The following MTIF2 variants were observed in gnomAD, a reference collection of about 807,000 sequenced individuals.
MTIF2 encodes translation initiation factor IF-2, mitochondrial.
MTIF2 carries 71 observed loss-of-function variants against 83.5 expected under a neutral mutation model. That is an observed-to-expected ratio of 0.85 (90% CI 0.70 to 1.04). The LOEUF is 1.04. MTIF2 is among the 50% of genes least tolerant of loss of function. MTIF2 has a pLI of 0.00. For synonymous variants in MTIF2, 319 were observed against 287.1 expected, an observed-to-expected ratio of 1.11 and a Z score of -1.12; for missense variants, 957 against 846.5, an observed-to-expected ratio of 1.13 and a Z score of -1.62.
Position 55,254,117 on chromosome 2 carries a change from T to C in MTIF2, c.588A>G (p.Leu196=), listed in dbSNP as rs750837820. The C allele has an allele frequency of 3.7e-6, 6 of 1,614,098 alleles. No individual in the cohort carries two copies. Among genetic ancestry groups the C allele is most frequent in the Non-Finnish European group, 2.5e-6 (3 of 1,180,044 alleles). ...CTTGAGTTTTTCGAAATTTGTCAAG[T>C]AATGTCGTTTTCCCGTGATCAACAT... ...MGHVDHGKTT[L]LDKFRKTQVA... Residue 196 remains leucine (L), a synonymous_variant, in exon 7 of 16, where the codon TTA becomes TTG. Coordinates refer to ENST00000263629, the MANE Select transcript of MTIF2 (RefSeq NM_002453.3).
Position 55,237,311 on chromosome 2 carries a change from C to T in MTIF2, c.1988G>A (p.Arg663His), listed in dbSNP as rs774462033. Residue 663 changes from arginine to histidine, a missense_variant, in exon 15 of 16, where the codon CGT becomes CAT. By Grantham distance (29) the Arg-to-His change is conservative. Transcript: ENST00000263629. ...LEKQKKFKLT[R>H]NGHVIWKGSL... ...ACCCTTCCAAATTACATGTCCATTA[C>T]GGGTTAGTTTAAATTTTTTTTGTTT... 43 of 1,612,310 alleles carry T rather than the reference C, an allele frequency of 2.7e-5. No individual in the cohort carries two copies. Among genetic ancestry groups the T allele is most frequent in the East Asian group, 2.2e-4 (10 of 44,858 alleles).
chr2:55,261,443 T>TG (rs1677981618), intron 5 of MTIF2, among the ~76,000 whole-genome samples: 1 of 138,362 alleles, frequency 7.2e-6, no homozygotes, highest in Non-Finnish European at 1.6e-5. Context: ...CCGTCTCTAC[T>TG]AAAAAAAAAA....
At chr2:55,250,848 G>A (rs184191898) in intron 8 of MTIF2, among the ~76,000 whole-genome samples, 2 of 152,064 alleles carry the variant, frequency 1.3e-5, no homozygotes, top group East Asian at 1.9e-4. Context: ...GGGCACGGTG[G>A]CTCATACCTG....
intron 4 of MTIF2, 23 bp downstream of exon 4, chr2:55,263,617 A>G (rs1223103717): frequency 6.4e-7 from 1 of 1,572,904 alleles, no homozygotes; most frequent in East Asian, 2.2e-5. Context: ...CTCAAAAAAA[A>G]AAAAAAAGAA....
intron 11 of MTIF2, 141 bp from the exon 12 acceptor site, chr2:55,243,809 A>T: frequency 9.3e-7 from 1 of 1,075,762 alleles, no homozygotes; most frequent in East Asian, 2.5e-5. Flanking sequence ...GAAACATGTA[A>T]AATTTTAATT....
rs1259583933 is a variant in MTIF2, at chr2:55,243,487, T to C, written c.1493A>G (p.Lys498Arg). ...TTTTGGCTTTAAGGGTATTTGTTCT[T>C]TTCTTTCTAAAAACCGTAGAATTGA... ...KRSILRFLER[K>R]EQIPLKPKEK... Residue 498 changes from lysine (K) to arginine (R), a missense_variant, in exon 12 of 16, where the codon AAA becomes AGA. Coordinates refer to ENST00000263629, the MANE Select transcript of MTIF2 (RefSeq NM_002453.3). 2.5e-6 allele frequency: 4 copies of C among 1,614,110 alleles called. No homozygotes were observed. The highest frequency in any genetic ancestry group is 3.4e-6 in the Non-Finnish European group (4 of 1,179,978).
At position 55,263,582 on chromosome 2, in the gene MTIF2, C is replaced by T; in HGVS notation, c.219+58G>A. 4.3e-6 allele frequency: 6 copies of T among 1,384,074 alleles called. No individual in the cohort carries two copies. The South Asian group carries it at 7.7e-5, about 18-fold the overall frequency. 85.7% of individuals were successfully genotyped at this position (1,384,074 alleles called of 1,614,324 possible). ...CTGAGATCGCGCCACGGCACTCCAGCCGGGGTGACAGGGTGAGACTCCATC... is the reference window on the plus strand; with the variant it reads ...CTGAGATCGCGCCACGGCACTCCAGTCGGGGTGACAGGGTGAGACTCCATC... On this transcript the variant is annotated intron_variant, in intron 4 of 15. Coordinates refer to ENST00000263629, the MANE Select transcript of MTIF2 (RefSeq NM_002453.3).
rs1490309114 is a variant in MTIF2 at position 55,254,556 on chromosome 2, T to G, written c.503+98A>C. The G allele has an allele frequency of 9.3e-6, 10 of 1,077,804 alleles. No individual in the cohort carries two copies. The Admixed American group carries it at 2.2e-4, about 24-fold the overall frequency. 66.8% of individuals were successfully genotyped at this position (1,077,804 alleles called of 1,614,324 possible). ...GAAGTTTATACACACATATCTTTAT[T>G]ACAAAAGAAATTTTAAAGCAAATCT... On this transcript the variant is annotated intron_variant, in intron 6 of 15. Transcript: ENST00000263629.
In MTIF2 at chr2:55,257,090, G is replaced by A. The variant is rs189786368; in HGVS notation, c.332-2265C>T. Among the ~76,000 whole-genome samples, 38 of 152,102 alleles carry A rather than the reference G, an allele frequency of 2.5e-4. No homozygotes were observed. In the East Asian group the frequency reaches 4.4e-3, roughly 18 times the overall value. ...TTTAATCTCAGTCATGTTTCCCTGC[G>A]GATGATAAATAAATGTATCTGTGAT... is the stretch of plus-strand genomic sequence containing the variant. On this transcript the variant is annotated intron_variant, in intron 5 of 15. Transcript: ENST00000263629.
intron 14 of MTIF2, among the ~76,000 whole-genome samples, chr2:55,237,998 T>G (rs542494388): frequency 6.6e-6 from 1 of 152,012 alleles, no homozygotes; most frequent in South Asian, 2.1e-4. Context: ...TTTTAAGCTT[T>G]CCTTCAATAT....
chr2:55,267,237 A>G (rs911011677), intron 3 of MTIF2, among the ~76,000 whole-genome samples: 2 of 151,186 alleles, frequency 1.3e-5, no homozygotes, highest in African/African-American at 4.9e-5. Flanking sequence ...GCTCACTACA[A>G]CCTCCACCTG....
At chr2:55,268,969 T>A (rs1283630155) in intron 1 of MTIF2, 200 bp downstream of exon 1, 3 of 152,244 alleles carry the variant, frequency 2.0e-5, no homozygotes, top group African/African-American at 7.2e-5. Flanking sequence ...GGCCAGCCGC[T>A]TCCGAGAGAA....
chr2:55,247,921 C>T (rs1394350235), intron 9 of MTIF2, among the ~76,000 whole-genome samples: 1 of 152,000 alleles, frequency 6.6e-6, no homozygotes, highest in Non-Finnish European at 1.5e-5. Context: ...GACAAGGTCT[C>T]ACTCTGTTAT....
chr2:55,260,132 G>A (rs1677849365), intron 5 of MTIF2, among the ~76,000 whole-genome samples: 1 of 152,136 alleles, frequency 6.6e-6, no homozygotes, highest in South Asian at 2.1e-4. Flanking sequence ...AGGGATGGTG[G>A]CTCACGCCTG....
intron 14 of MTIF2, among the ~76,000 whole-genome samples, chr2:55,238,427 G>A (rs1159595949): frequency 2.8e-5 from 3 of 108,144 alleles, no homozygotes; most frequent in Non-Finnish European, 3.6e-5. Flanking sequence ...TTTCGCTCTT[G>A]TTGCCCAGGC....
chr2:55,265,792 C>A (rs986028749), intron 3 of MTIF2, among the ~76,000 whole-genome samples: 2 of 152,108 alleles, frequency 1.3e-5, no homozygotes, highest in African/African-American at 2.4e-5. Flanking sequence ...TACTAATCAG[C>A]CCTTTGTATC....
intron 9 of MTIF2, among the ~76,000 whole-genome samples, chr2:55,247,940 G>C (rs1676823204): frequency 6.6e-6 from 1 of 152,052 alleles, no homozygotes; most frequent in African/African-American, 2.4e-5. Context: ...ATCAAGGCTG[G>C]AGTGCAGTGG....
chr2:55,261,962 A>G (rs1678035342), intron 5 of MTIF2, among the ~76,000 whole-genome samples: 1 of 151,268 alleles, frequency 6.6e-6, no homozygotes, highest in African/African-American at 2.4e-5. Context: ...AAAAAGAAAG[A>G]AAAAAGAAAA....
At chr2:55,246,253 G>A (rs886336552) in intron 10 of MTIF2, 84 bp downstream of exon 10, 12 of 1,192,238 alleles carry the variant, frequency 1.0e-5, no homozygotes, top group Non-Finnish European at 1.1e-5. Context: ...ACAATAACAT[G>A]TAACAAAAAT....
Sources: gnomAD v4.1 joint callset for allele counts (sites outside exome capture counted in the v4.1 genomes callset) on GRCh38, gnomAD v4.1.1 for gene constraint, MANE v1.5 for transcripts, NCBI Gene and HGNC (gene_info 2026-07-23, HGNC 2026-07-21) for gene names.